Variants in ICA1 observed in about 807,000 individuals in gnomAD.
The protein encoded by ICA1 is islet cell autoantigen 1, also known as 69 kDa islet cell autoantigen.
In ICA1, 40 loss-of-function variants were observed where a neutral mutation model predicts 71.0. That is an observed-to-expected ratio of 0.56 (90% CI 0.44 to 0.73). ICA1 has a LOEUF of 0.73. Ranked by LOEUF, ICA1 falls within the 30% of genes least tolerant of loss-of-function variation. The pLI, the probability that ICA1 is intolerant of heterozygous loss-of-function variation, is 0.00. For synonymous variants in ICA1, 207 were observed against 209.5 expected (o/e 0.99, Z 0.10); for missense variants, 578 against 576.5 (o/e 1.00, Z -0.03).
chr7:8,208,310 C>T (rs530883017), intron 6 of ICA1, among the ~76,000 whole-genome samples: 7 of 152,210 alleles, frequency 4.6e-5, no homozygotes, highest in Admixed American at 2.0e-4. Flanking sequence ...AGTACTATAA[C>T]GCTATTGGCA....
chr7:8,119,770 C>T (rs563917177), intron 13 of ICA1, among the ~76,000 whole-genome samples: 15 of 152,238 alleles, frequency 9.9e-5, no homozygotes, highest in Admixed American at 2.0e-4. Flanking sequence ...CGCTTGAACC[C>T]GGGAGGCGGA....
intron 6 of ICA1, among the ~76,000 whole-genome samples, chr7:8,185,138 T>C (rs2128279973): frequency 6.6e-6 from 1 of 151,832 alleles, no homozygotes; most frequent in South Asian, 2.1e-4. Context: ...TGTCTTTGGT[T>C]TAAAAAAACT....
intron 8 of ICA1, among the ~76,000 whole-genome samples, chr7:8,154,208 A>C (rs935702031): frequency 1.3e-5 from 2 of 152,210 alleles, no homozygotes; most frequent in African/African-American, 2.4e-5. Flanking sequence ...TTCAAGTATG[A>C]AGTGAAGACT....
chr7:8,163,097 G>A (rs1363147140), intron 6 of ICA1, among the ~76,000 whole-genome samples: 2 of 152,132 alleles, frequency 1.3e-5, no homozygotes, highest in Admixed American at 6.6e-5. Context: ...TCCTTAGTCT[G>A]GGTTCTGTCT....
At chr7:8,158,290 A>G (rs1802455718) in intron 7 of ICA1, 3 of 489,520 alleles carry the variant, frequency 6.1e-6, no homozygotes, top group Non-Finnish European at 1.1e-5. Context: ...CTCCAGGTAG[A>G]AGGGACCCCA....
chr7:8,214,467 C>T (rs1404198331), intron 6 of ICA1, among the ~76,000 whole-genome samples: 1 of 152,186 alleles, frequency 6.6e-6, no homozygotes, highest in Non-Finnish European at 1.5e-5. Context: ...ACAGCTCAGC[C>T]CTGCCCCTTT....
intron 1 of ICA1, among the ~76,000 whole-genome samples, chr7:8,260,232 T>A (rs1583998330): frequency 6.6e-6 from 1 of 152,096 alleles, no homozygotes; most frequent in African/African-American, 2.4e-5. Context: ...CTGAAAAAAA[T>A]GTACTATTTA....
intron 6 of ICA1, among the ~76,000 whole-genome samples, chr7:8,160,109 A>G (rs1803214330): frequency 6.6e-6 from 1 of 152,210 alleles, no homozygotes; most frequent in African/African-American, 2.4e-5. Context: ...CTGAATAAAG[A>G]AATTTTTCAA....
intron 13 of ICA1, among the ~76,000 whole-genome samples, chr7:8,119,514 T>C (rs1460904058): frequency 6.6e-6 from 1 of 152,182 alleles, no homozygotes; most frequent in Non-Finnish European, 1.5e-5. Context: ...TGGAAAGCTA[T>C]AAATAAGTGA....
In ICA1 at chr7:8,226,471, C is replaced by G. The variant is rs1396887483; in HGVS notation, c.256+2130G>C. 6.6e-6 allele frequency among the ~76,000 whole-genome samples: 1 copy of G among 152,172 alleles called. No individual in the cohort carries two copies. Among genetic ancestry groups the G allele is most frequent in the Non-Finnish European group, 1.5e-5 (1 of 68,026 alleles). On this transcript the variant is annotated intron_variant, in intron 4 of 13. Coordinates refer to ENST00000402384, the MANE Select transcript of ICA1 (RefSeq NM_001136020.3). This position sits in a 1 kb window ranked among gnomAD's most constrained non-coding sequence, Gnocchi z 4.4. ...ACCTTCTTGCTTGCATGAAGGATAGCATACTATAGATACGCTTTTATGTTT... is the reference window on the plus strand; with the variant it reads ...ACCTTCTTGCTTGCATGAAGGATAGGATACTATAGATACGCTTTTATGTTT...
intron 8 of ICA1, among the ~76,000 whole-genome samples, chr7:8,155,243 T>A (rs754975208): frequency 7.2e-5 from 11 of 152,208 alleles, no homozygotes; most frequent in Non-Finnish European, 1.3e-4. Flanking sequence ...ACTTAAACCA[T>A]AATTTAAGGA....
chr7:8,261,525 G>A (rs1168361220), intron 1 of ICA1, among the ~76,000 whole-genome samples: 1 of 152,130 alleles, frequency 6.6e-6, no homozygotes, highest in Admixed American at 6.5e-5. Flanking sequence ...CCTCGCCCCC[G>A]GGGGACCAAG....
At chr7:8,240,800 A>G (rs1180964005) in intron 1 of ICA1, among the ~76,000 whole-genome samples, 2 of 152,238 alleles carry the variant, frequency 1.3e-5, no homozygotes, top group Admixed American at 6.5e-5. Context: ...ATCAAGTGGA[A>G]GAAAGGGTAG....
At chr7:8,179,712 G>A (rs538371069) in intron 6 of ICA1, among the ~76,000 whole-genome samples, 6 of 152,000 alleles carry the variant, frequency 3.9e-5, no homozygotes, top group African/African-American at 1.4e-4. Context: ...TTCCCCAAAC[G>A]AGTTTCCAAA....
chr7:8,116,284 C>T (rs1784771898), intron 13 of ICA1: 1 of 152,166 alleles, frequency 6.6e-6, no homozygotes, highest in Non-Finnish European at 1.5e-5. Context: ...TTGGTACTGG[C>T]CATGGAGTAG....
chr7:8,119,803 G>A (rs1786160627), intron 13 of ICA1, among the ~76,000 whole-genome samples: 1 of 152,150 alleles, frequency 6.6e-6, no homozygotes. Flanking sequence ...CCGAGATCGT[G>A]CCACTGTACT....
chr7:8,250,858 G>C (rs6970445), intron 1 of ICA1, among the ~76,000 whole-genome samples: 2 of 151,914 alleles, frequency 1.3e-5, no homozygotes, highest in South Asian at 4.2e-4. Flanking sequence ...TAAAATCTGT[G>C]TTTTCTGTTA....
chr7:8,128,260 A>C (rs1790107988), intron 12 of ICA1, 118 bp from the exon 13 acceptor site: 4 of 1,012,048 alleles, frequency 4.0e-6, no homozygotes, highest in Non-Finnish European at 4.3e-6. Context: ...GAAAAATGTC[A>C]TCAAAATATA....
Position 8,113,914 on chromosome 7 carries a change from G to T in ICA1, c.*9C>A. On this transcript the variant is annotated 3_prime_UTR_variant, in exon 14 of 14. Coordinates refer to ENST00000402384, the MANE Select transcript of ICA1 (RefSeq NM_001136020.3). The surrounding 1 kb of genome is among the most constrained non-coding windows in gnomAD (Gnocchi z 4.2). The stretch of plus-strand genomic sequence containing the variant: ...GCGGCATGTGAGTGCCCTCCCGAAG[G>T]GTACAGATTCATGCATTGAGCAATT... 6.2e-7 allele frequency: 1 copy of T among 1,614,046 alleles called. No individual in the cohort carries two copies.
Sources: gnomAD v4.1 joint callset for allele counts (sites outside exome capture counted in the v4.1 genomes callset) on GRCh38, gnomAD v4.1.1 for gene constraint, Gnocchi (gnomAD v3.1) non-coding constraint, MANE v1.5 for transcripts, NCBI Gene and HGNC (gene_info 2026-07-23, HGNC 2026-07-21) for gene names.